ANKAR: variants seen among roughly 807,000 people sequenced by gnomAD.
ANKAR encodes the protein ankyrin and armadillo repeat-containing protein.
In ANKAR, 136 loss-of-function variants were observed where a neutral mutation model predicts 146.2. The ratio of observed to expected loss-of-function variants is 0.93; its 90% CI spans 0.81 to 1.07. The LOEUF (loss-of-function observed/expected upper bound fraction) is 1.07, where lower values mean the gene tolerates loss of function less well. Ranked by LOEUF, ANKAR falls within the 50% of genes least tolerant of loss-of-function variation. The pLI is 0.00. For synonymous variants in ANKAR, 500 were observed against 575.8 expected, an observed-to-expected ratio of 0.87 and a Z score of 1.88; for missense variants, 1,567 against 1,679.9, an observed-to-expected ratio of 0.93 and a Z score of 1.18.
chr2:189,678,586 G>A (rs779651606), intron 2 of ANKAR, among the ~76,000 whole-genome samples: 1 of 152,106 alleles, frequency 6.6e-6, no homozygotes, highest in Non-Finnish European at 1.5e-5. Context: ...TTTAGTTCTC[G>A]ATCCATCTCG....
intron 17 of ANKAR, 96 bp downstream of exon 17, chr2:189,733,325 T>C: frequency 1.3e-5 from 14 of 1,079,886 alleles, no homozygotes; most frequent in Non-Finnish European, 1.8e-5. Flanking sequence ...CAATATTCAA[T>C]GTATTGTTTA....
At chr2:189,719,011 A>G (rs2040916490) in intron 10 of ANKAR, among the ~76,000 whole-genome samples, 1 of 151,012 alleles carries the variant, frequency 6.6e-6, no homozygotes. Flanking sequence ...GGCCTCCCAA[A>G]GTGCTGGGAT....
chr2:189,688,085 G>T (rs992029396), intron 2 of ANKAR, among the ~76,000 whole-genome samples: 3 of 152,008 alleles, frequency 2.0e-5, no homozygotes, highest in African/African-American at 7.2e-5. Flanking sequence ...TAGTAGTTTC[G>T]TAGTTTGAGG....
intron 10 of ANKAR, among the ~76,000 whole-genome samples, chr2:189,717,280 A>C (rs541019725): frequency 3.3e-5 from 5 of 152,366 alleles, no homozygotes; most frequent in Non-Finnish European, 5.9e-5. Flanking sequence ...GGCAAAGGAT[A>C]TGAACAGACA....
chr2:189,683,879 G>A lies in ANKAR; in HGVS notation c.602-5648G>A, dbSNP rs568203722. 7.9e-5 allele frequency among the ~76,000 whole-genome samples: 12 copies of A among 152,330 alleles called. 1 individual carries two copies. The highest frequency in any genetic ancestry group is 3.4e-3 in the Middle Eastern group (1 of 294). On this transcript the variant is annotated intron_variant, in intron 2 of 22. Coordinates refer to ENST00000684021, the MANE Select transcript of ANKAR (RefSeq NM_001378068.1). Reference sequence around the variant, plus strand: ...TCAGAGGGCAGACTGCTGGGAATCCGTCTTGGCCAAGTTAACCTTTATCTC... The same window carrying A: ...TCAGAGGGCAGACTGCTGGGAATCCATCTTGGCCAAGTTAACCTTTATCTC...
chr2:189,679,918 T>C (rs2034383858), intron 2 of ANKAR, among the ~76,000 whole-genome samples: 1 of 152,210 alleles, frequency 6.6e-6, no homozygotes, highest in African/African-American at 2.4e-5. Context: ...TTTTCTTTTT[T>C]TGTTATGTCC....
intron 12 of ANKAR, 78 bp downstream of exon 12, chr2:189,720,865 T>C: frequency 8.6e-7 from 1 of 1,160,852 alleles, no homozygotes; most frequent in Non-Finnish European, 1.1e-6. Flanking sequence ...ACTTGTCCTA[T>C]ATGAATAGAT....
rs1334770864 is a variant in ANKAR, at chr2:189,754,315, G to T, written c.*585-6783G>T. The stretch of plus-strand genomic sequence containing the variant: ...CCACCACTCATGGTGGAGCACTCTG[G>T]ATGTTTTATTAAAGAAAGTCTTCTT... On this transcript the variant is annotated intron_variant and NMD_transcript_variant, in intron 18 of 18. Transcript: ENST00000441800. 3 of 1,609,696 alleles carry T rather than the reference G, an allele frequency of 1.9e-6. No homozygotes were observed. The South Asian group carries it at 3.3e-5, about 18-fold the overall frequency.
At chr2:189,742,905 GACACACACACACACACACAC>G (rs397987025) in intron 20 of ANKAR, among the ~76,000 whole-genome samples, 1,394 of 33,472 alleles carry the variant, frequency 0.042, 30 homozygotes, top group South Asian at 0.057. Flanking sequence ...AGAATTACCT[GACACACACACACACACACAC>G]ACACACACAC....
intron 2 of ANKAR, among the ~76,000 whole-genome samples, chr2:189,678,523 A>G (rs754293321): frequency 1.3e-5 from 2 of 152,188 alleles, no homozygotes; most frequent in African/African-American, 4.8e-5. Flanking sequence ...GCCAATGTCT[A>G]GAAGGGTTTG....
At chr2:189,695,288 A>G (rs1283885666) in intron 6 of ANKAR, 127 bp downstream of exon 6, 10 of 736,378 alleles carry the variant, frequency 1.4e-5, no homozygotes, top group Non-Finnish European at 2.0e-5. Flanking sequence ...ATAAAATGCC[A>G]CATTTTAGTA....
intron 19 of ANKAR, among the ~76,000 whole-genome samples, chr2:189,740,681 G>C (rs531129927): frequency 1.5e-5 from 2 of 133,824 alleles, no homozygotes; most frequent in African/African-American, 5.7e-5. Flanking sequence ...CATTTCAACC[G>C]CAAAAAGGAC....
chr2:189,700,949 C>T (rs1489302296), intron 7 of ANKAR, among the ~76,000 whole-genome samples: 1 of 152,192 alleles, frequency 6.6e-6, no homozygotes, highest in Admixed American at 6.5e-5. Flanking sequence ...TATTGATGGA[C>T]ACTTAGGTTG....
chr2:189,677,902 T>G (rs938324885), intron 2 of ANKAR, among the ~76,000 whole-genome samples: 2 of 152,212 alleles, frequency 1.3e-5, no homozygotes, highest in Non-Finnish European at 2.9e-5. Context: ...TAAACATGCA[T>G]GTGCAAGTGT....
chr2:189,676,522 G>A lies in ANKAR; in HGVS notation c.32G>A (p.Arg11Lys). The A allele has an allele frequency of 6.4e-7, 1 of 1,571,338 alleles. No individual in the cohort carries two copies. ...AGATTGCCCAAAAAAGGATTACCTA[G>A]ATTTGAGCAAGTTCAGGATGAAGAC... MLRLPKKGLP[R>K]FEQVQDEDTY... Residue 11 changes from arginine to lysine, a missense_variant, in exon 2 of 23, where the codon AGA (arginine) becomes AAA (lysine). Physicochemically the swap from Arg to Lys is conservative, Grantham distance 26. Coordinates refer to ENST00000684021, the MANE Select transcript of ANKAR (RefSeq NM_001378068.1).
At chr2:189,731,519 G>A (rs1345817824) in intron 16 of ANKAR, among the ~76,000 whole-genome samples, 1 of 151,494 alleles carries the variant, frequency 6.6e-6, no homozygotes, top group Non-Finnish European at 1.5e-5. Flanking sequence ...GATTACAGGT[G>A]TGCATCACAA....
intron 15 of ANKAR, 60 bp from the exon 16 acceptor site, chr2:189,730,435 T>G: frequency 9.4e-7 from 1 of 1,067,136 alleles, no homozygotes; most frequent in Non-Finnish European, 1.4e-6. Flanking sequence ...CAAGCTATGT[T>G]TGACTTTACC....
chr2:189,685,472 C>T (rs1306874953), intron 2 of ANKAR, among the ~76,000 whole-genome samples: 2 of 152,118 alleles, frequency 1.3e-5, no homozygotes, highest in Non-Finnish European at 2.9e-5. Flanking sequence ...TTCCTTTTGT[C>T]AGAACTCATT....
rs548882654 is a variant in ANKAR at position 189,752,101 on chromosome 2, G to A, written c.*584+7313G>A. Among the ~76,000 whole-genome samples the A allele has an allele frequency of 6.6e-5, 10 of 151,586 alleles. No individual in the cohort carries two copies. In the South Asian group the frequency reaches 1.5e-3, roughly 22 times the overall value. On this transcript the variant is annotated intron_variant and NMD_transcript_variant, in intron 18 of 18. Transcript: ENST00000441800. ...AGAGGTTGCAGTGAGCCGAGAATGCGCCACTGCACTCTAGCCTGGGTGACA... is the reference window on the plus strand; with the variant it reads ...AGAGGTTGCAGTGAGCCGAGAATGCACCACTGCACTCTAGCCTGGGTGACA...
Sources: gnomAD v4.1 joint callset for allele counts (sites outside exome capture counted in the v4.1 genomes callset) on GRCh38, gnomAD v4.1.1 for gene constraint, MANE v1.5 for transcripts, NCBI Gene and HGNC (gene_info 2026-07-23, HGNC 2026-07-21) for gene names.